SUGCT: variants seen among roughly 807,000 people sequenced by gnomAD.
The protein encoded by SUGCT is succinyl-CoA:glutarate-CoA transferase.
A neutral mutation model predicts 55.0 loss-of-function variants in SUGCT; 41 were observed. The observed-to-expected ratio is 0.74, with a 90% CI of 0.58 to 0.97. The LOEUF is 0.97. Among genes scored for constraint, SUGCT ranks in the 50% least tolerant of loss-of-function variants. The pLI, the probability that SUGCT is intolerant of heterozygous loss-of-function variation, is 0.00. For missense variants in SUGCT, 568 were observed against 547.8 expected (o/e 1.04, Z -0.37); for synonymous variants, 187 against 200.4 (o/e 0.93, Z 0.56).
At chr7:40,983,294 C>A in the SUGCT span, among the ~76,000 whole-genome samples, 2 of 152,094 alleles carry the variant, frequency 1.3e-5, no homozygotes, top group Non-Finnish European at 2.9e-5. Flanking sequence ...CACATCATTC[C>A]CTTGCTACCC....
At chr7:40,700,888 A>G (rs1785145275) in intron 12 of SUGCT, among the ~76,000 whole-genome samples, 1 of 152,132 alleles carries the variant, frequency 6.6e-6, no homozygotes, top group Non-Finnish European at 1.5e-5. Flanking sequence ...CACTGAGGAG[A>G]GAAGAGCCAC....
intron 9 of SUGCT, among the ~76,000 whole-genome samples, chr7:40,447,368 A>G (rs1788898248): frequency 6.6e-6 from 1 of 152,226 alleles, no homozygotes; most frequent in African/African-American, 2.4e-5. Flanking sequence ...GGGTATGTGT[A>G]AAACAGAGAG....
intron 13 of SUGCT, among the ~76,000 whole-genome samples, chr7:40,814,444 C>T (rs1302032851): frequency 6.6e-6 from 1 of 151,672 alleles, no homozygotes; most frequent in Non-Finnish European, 1.5e-5. Flanking sequence ...TTTGAAAGAC[C>T]AGTCTTCAGG....
At chr7:40,247,018 A>G (rs1283557541) in intron 7 of SUGCT, among the ~76,000 whole-genome samples, 2 of 152,212 alleles carry the variant, frequency 1.3e-5, no homozygotes, top group East Asian at 3.8e-4. Context: ...ATTGATCAAC[A>G]TTTGAGTTGT....
intron 12 of SUGCT, among the ~76,000 whole-genome samples, chr7:40,680,157 T>C (rs1784172527): frequency 6.6e-6 from 1 of 152,178 alleles, no homozygotes; most frequent in African/African-American, 2.4e-5. Flanking sequence ...AGGAAGGATT[T>C]ACTATCAGAA....
At chr7:40,485,723 A>T (rs1030107062) in intron 11 of SUGCT, among the ~76,000 whole-genome samples, 8 of 152,118 alleles carry the variant, frequency 5.3e-5, no homozygotes, top group African/African-American at 1.9e-4. Flanking sequence ...GGTCTCATGT[A>T]TACCTAATTT....
chr7:40,416,289 C>G (rs1786998666), intron 9 of SUGCT, among the ~76,000 whole-genome samples: 1 of 151,632 alleles, frequency 6.6e-6, no homozygotes, highest in Admixed American at 6.6e-5. Context: ...CCCTTATGAA[C>G]TTTAGTAGCT....
rs767049814 is a variant in SUGCT, at chr7:40,806,771, C to T, written c.1154-53545C>T. On this transcript the variant is annotated intron_variant, in intron 13 of 13. Transcript: ENST00000335693. ...ATAATATTGGTACAAATGCTGGGAT[C>T]GGAACCTTGGAATGAACAAATGGGG... Among the ~76,000 whole-genome samples, 36 of 152,116 alleles carry T rather than the reference C, an allele frequency of 2.4e-4. 1 individual carries two copies. The highest frequency in any genetic ancestry group is 6.2e-4 in the South Asian group (3 of 4,822).
chr7:40,832,384 A>T (rs1028694200), intron 13 of SUGCT, among the ~76,000 whole-genome samples: 1 of 152,086 alleles, frequency 6.6e-6, no homozygotes, highest in Admixed American at 6.5e-5. Context: ...TGTCCCATTT[A>T]ATGTTGTGGT....
intron 11 of SUGCT, among the ~76,000 whole-genome samples, chr7:40,476,443 A>G (rs1374466051): frequency 6.6e-6 from 1 of 152,176 alleles, no homozygotes; most frequent in African/African-American, 2.4e-5. Flanking sequence ...GATGAGGGAA[A>G]AAATTTCTTC....
intron 1 of SUGCT, among the ~76,000 whole-genome samples, chr7:40,154,669 C>T (rs529725068): frequency 2.0e-5 from 3 of 151,952 alleles, no homozygotes; most frequent in African/African-American, 4.8e-5. Flanking sequence ...TTTTGCCAAG[C>T]GGAAAGCTAC....
At chr7:40,410,735 G>A (rs184603236) in intron 9 of SUGCT, among the ~76,000 whole-genome samples, 11 of 152,212 alleles carry the variant, frequency 7.2e-5, no homozygotes, top group African/African-American at 2.4e-4. Context: ...ATATCATTCT[G>A]TTGTGTTTAC....
chr7:40,738,949 T>C (rs1787319406), intron 12 of SUGCT, among the ~76,000 whole-genome samples: 1 of 152,148 alleles, frequency 6.6e-6, no homozygotes, highest in Non-Finnish European at 1.5e-5. Flanking sequence ...ACTCTATTCA[T>C]CAATATATTT....
chr7:40,631,487 T>C (rs531862885), intron 12 of SUGCT, among the ~76,000 whole-genome samples: 33 of 152,326 alleles, frequency 2.2e-4, no homozygotes, highest in Non-Finnish European at 4.7e-4. Context: ...AAGAACTAAA[T>C]CAGCAGTTTC....
the SUGCT span, among the ~76,000 whole-genome samples, chr7:40,885,278 A>G: frequency 1.3e-5 from 2 of 152,250 alleles, no homozygotes; most frequent in Admixed American, 6.5e-5. Flanking sequence ...TGGCTTGGAG[A>G]GAAACCAGAG....
the SUGCT span, among the ~76,000 whole-genome samples, chr7:41,012,217 TTA>T: frequency 1.3e-5 from 2 of 152,176 alleles, no homozygotes; most frequent in African/African-American, 4.8e-5. Flanking sequence ...GTGTCTTTGC[TTA>T]TACCCCTCAA....
At chr7:40,657,049 A>T (rs1253371077) in intron 12 of SUGCT, among the ~76,000 whole-genome samples, 1 of 151,834 alleles carries the variant, frequency 6.6e-6, no homozygotes, top group African/African-American at 2.4e-5. Flanking sequence ...CTTTTTTGTG[A>T]CTCCACCTGC....
chr7:40,254,423 A>G (rs1790655503), intron 7 of SUGCT, among the ~76,000 whole-genome samples: 1 of 152,032 alleles, frequency 6.6e-6, no homozygotes. Flanking sequence ...TTTTTGCAAC[A>G]GTCTTGTTCT....
chr7:40,497,896 A>G (rs1792073897), intron 12 of SUGCT, among the ~76,000 whole-genome samples: 1 of 151,826 alleles, frequency 6.6e-6, no homozygotes, highest in African/African-American at 2.4e-5. Context: ...TTCTAACACT[A>G]CCTATTTTTT....
Sources: allele counts gnomAD v4.1 joint callset (sites outside exome capture counted in the v4.1 genomes callset), GRCh38; gene constraint gnomAD v4.1.1; transcripts MANE v1.5; gene names NCBI Gene and HGNC (gene_info 2026-07-23, HGNC 2026-07-21).